The following EPHA4 variants were observed in gnomAD, a reference collection of about 807,000 sequenced individuals.
EPHA4 encodes the protein ephrin type-A receptor 4.
EPHA4 carries 19 observed loss-of-function variants against 108.3 expected under a neutral mutation model. That is an observed-to-expected ratio of 0.18 (90% CI 0.12 to 0.26). EPHA4 has a LOEUF of 0.26. Ranked by LOEUF, EPHA4 falls within the 10% of genes least tolerant of loss-of-function variation. The pLI is 1.00. For missense variants in EPHA4, 917 were observed against 1,254.0 expected (o/e 0.73, Z 4.06); for synonymous variants, 449 against 455.5 (o/e 0.99, Z 0.18).
intron 5 of EPHA4, among the ~76,000 whole-genome samples, chr2:221,477,441 C>T (rs775569222): frequency 6.6e-6 from 1 of 152,082 alleles, no homozygotes; most frequent in African/African-American, 2.4e-5. Flanking sequence ...TTCTTCATTG[C>T]GGAGGATTGG....
chr2:221,420,703 T>C (rs1353573272), intron 17 of EPHA4, among the ~76,000 whole-genome samples, 151 bp from the exon 18 acceptor site: 1 of 151,898 alleles, frequency 6.6e-6, no homozygotes, highest in Non-Finnish European at 1.5e-5. Context: ...AATTATACTT[T>C]CCTTTTCTGA....
intron 16 of EPHA4, 101 bp from the exon 17 acceptor site, chr2:221,426,243 A>C (rs116144026): frequency 0.028 from 31,889 of 1,135,800 alleles, 561 homozygotes; most frequent in Non-Finnish European, 0.036. Flanking sequence ...AGCCACAATT[A>C]ATACAGCACA....
At chr2:221,431,678 A>T (rs3770203) in intron 14 of EPHA4, among the ~76,000 whole-genome samples, 5,715 of 152,262 alleles carry the variant, frequency 0.038, 270 homozygotes, top group East Asian at 0.22. Flanking sequence ...AACATTTTGC[A>T]CTGAATTGAG....
intron 3 of EPHA4, among the ~76,000 whole-genome samples, chr2:221,548,547 CT>C (rs554591058): frequency 6.7e-4 from 99 of 146,792 alleles, no homozygotes; most frequent in Middle Eastern, 3.5e-3. Context: ...AATTAAACCA[CT>C]TTTTTTTTTT....
At position 221,448,015 on chromosome 2, in the gene EPHA4, T is replaced by C. The variant is rs1559245014; in HGVS notation, c.1716-1834A>G. 3.3e-5 allele frequency among the ~76,000 whole-genome samples: 5 copies of C among 151,916 alleles called. No homozygotes were observed. The South Asian group carries it at 1.0e-3, about 32-fold the overall frequency. ...CGCCACCCATGCTCGGCTAATTTTG[T>C]ATTTTTAGTAGAGCCAGGGTTTCAC... On this transcript the variant is annotated intron_variant, in intron 8 of 17. Transcript: ENST00000281821.
intron 4 of EPHA4, among the ~76,000 whole-genome samples, chr2:221,492,227 C>A (rs1422793288): frequency 6.6e-6 from 1 of 152,066 alleles, no homozygotes; most frequent in Non-Finnish European, 1.5e-5. Flanking sequence ...ATGGCATTGG[C>A]AGATTATTCA....
At chr2:221,422,083 A>C (rs1391051003) in intron 17 of EPHA4, 2 of 151,932 alleles carry the variant, frequency 1.3e-5, no homozygotes, top group Non-Finnish European at 1.5e-5. Context: ...TTAAAAAAAA[A>C]AAAAAAAATT....
chr2:221,468,279 C>CA lies in EPHA4; in HGVS notation c.1319-10290dup, dbSNP rs540467941. Among the ~76,000 whole-genome samples, 40 of 148,858 alleles carry CA rather than the reference C, an allele frequency of 2.7e-4. 1 individual carries two copies. The South Asian group carries it at 6.7e-3, about 25-fold the overall frequency. Reference sequence around the variant, plus strand: ...AATTATTTTTTAAACAAATAACCAACAAAAAAAATGCTCTCCAAAATTAAT... The same window carrying CA: ...AATTATTTTTTAAACAAATAACCAACAAAAAAAAATGCTCTCCAAAATTAAT... On this transcript the variant is annotated intron_variant, in intron 5 of 17. Transcript: ENST00000281821.
chr2:221,506,463 C>CAAAG (rs1255998751), intron 3 of EPHA4, among the ~76,000 whole-genome samples: 1 of 152,170 alleles, frequency 6.6e-6, no homozygotes, highest in African/African-American at 2.4e-5. Flanking sequence ...TATTAAGGCA[C>CAAAG]AAAGGTTAAG....
chr2:221,423,829 A>G (rs1399826687), intron 17 of EPHA4, among the ~76,000 whole-genome samples: 2 of 152,138 alleles, frequency 1.3e-5, no homozygotes, highest in African/African-American at 2.4e-5. Context: ...TTAAAATACA[A>G]TGCCACCTGG....
intron 3 of EPHA4, among the ~76,000 whole-genome samples, chr2:221,563,359 T>G (rs1694523431): frequency 6.6e-6 from 1 of 152,228 alleles, no homozygotes; most frequent in Admixed American, 6.5e-5. Context: ...CTTTGTCATT[T>G]TACCAAGTCC....
intron 4 of EPHA4, among the ~76,000 whole-genome samples, chr2:221,495,778 T>C (rs1692276915): frequency 6.6e-6 from 1 of 152,214 alleles, no homozygotes; most frequent in African/African-American, 2.4e-5. Context: ...CCTGGTCTAA[T>C]TGTTCTCCAA....
rs761281726 is a variant in EPHA4, at chr2:221,564,413, G to A, written c.160-19C>T. 1.3e-6 allele frequency: 2 copies of A among 1,589,882 alleles called. No individual in the cohort carries two copies. The highest frequency in any genetic ancestry group is 8.6e-7 in the Non-Finnish European group (1 of 1,163,328). ...CCTCCCACTGCAAAGATCCAAAGCAGATGTATCAACTACAAAGTTTCATCA... is the reference window on the plus strand; with the variant it reads ...CCTCCCACTGCAAAGATCCAAAGCAAATGTATCAACTACAAAGTTTCATCA... On this transcript the variant is annotated intron_variant, in intron 2 of 17. Coordinates refer to ENST00000281821, the MANE Select transcript of EPHA4 (RefSeq NM_004438.5).
intron 3 of EPHA4, among the ~76,000 whole-genome samples, chr2:221,545,319 A>C (rs1296645497): frequency 6.6e-6 from 1 of 152,104 alleles, no homozygotes; most frequent in Non-Finnish European, 1.5e-5. Context: ...AACACAAAAA[A>C]TTAGCCAGGC....
chr2:221,518,160 G>A (rs537100583), intron 3 of EPHA4, among the ~76,000 whole-genome samples: 1 of 152,238 alleles, frequency 6.6e-6, no homozygotes, highest in East Asian at 1.9e-4. Flanking sequence ...GAGAAATTGA[G>A]TGGATTTATT....
chr2:221,528,201 G>T (rs1443378989), intron 3 of EPHA4, among the ~76,000 whole-genome samples: 1 of 152,158 alleles, frequency 6.6e-6, no homozygotes, highest in African/African-American at 2.4e-5. Flanking sequence ...AGGTGAAAGA[G>T]CAAACATATT....
intron 3 of EPHA4, chr2:221,502,468 A>G (rs924157145): frequency 4.3e-6 from 2 of 468,962 alleles, no homozygotes; most frequent in African/African-American, 4.0e-5. Context: ...CCTATCAGCC[A>G]TTTTCCATCA....
At chr2:221,477,893 C>T (rs916102886) in intron 5 of EPHA4, among the ~76,000 whole-genome samples, 2 of 152,148 alleles carry the variant, frequency 1.3e-5, no homozygotes, top group African/African-American at 4.8e-5. Flanking sequence ...ATTTTAACTC[C>T]TCCAAACTAA....
intron 3 of EPHA4, among the ~76,000 whole-genome samples, chr2:221,563,064 T>A (rs1160696954): frequency 2.0e-5 from 3 of 152,196 alleles, no homozygotes; most frequent in Non-Finnish European, 4.4e-5. Context: ...ATAAGAAGAC[T>A]CTTGCTTGCT....
Sources: gnomAD v4.1 joint callset for allele counts (sites outside exome capture counted in the v4.1 genomes callset) on GRCh38, gnomAD v4.1.1 for gene constraint, MANE v1.5 for transcripts, NCBI Gene and HGNC (gene_info 2026-07-23, HGNC 2026-07-21) for gene names.